ENOX1: variants seen among roughly 807,000 people sequenced by gnomAD.
The protein encoded by ENOX1 is ecto-NOX disulfide-thiol exchanger 1, also known as candidate growth-related and time keeping constitutive hydroquinone (NADH) oxidase.
A neutral mutation model predicts 82.5 loss-of-function variants in ENOX1; 42 were observed. That is an observed-to-expected ratio of 0.51 (90% CI 0.40 to 0.66). ENOX1 has a LOEUF of 0.66. Ranked by LOEUF, ENOX1 falls within the 30% of genes least tolerant of loss-of-function variation. The pLI is 0.00. For missense variants in ENOX1, 608 were observed against 811.6 expected, an observed-to-expected ratio of 0.75 and a Z score of 3.05; for synonymous variants, 271 against 282.2, an observed-to-expected ratio of 0.96 and a Z score of 0.40.
At chr13:43,404,210 T>A (rs1353555919) in intron 5 of ENOX1, among the ~76,000 whole-genome samples, 1 of 152,148 alleles carries the variant, frequency 6.6e-6, no homozygotes, top group Non-Finnish European at 1.5e-5. Context: ...ACTTCAGTAG[T>A]TTGCACTTCA....
At chr13:43,644,780 A>G (rs1286132845) in intron 2 of ENOX1, among the ~76,000 whole-genome samples, 1 of 152,230 alleles carries the variant, frequency 6.6e-6, no homozygotes, top group Non-Finnish European at 1.5e-5. Flanking sequence ...AGTTCAATCC[A>G]GATCCAGCTG....
At chr13:43,589,160 C>T (rs2081123525) in intron 2 of ENOX1, among the ~76,000 whole-genome samples, 2 of 142,580 alleles carry the variant, frequency 1.4e-5, no homozygotes, top group African/African-American at 5.2e-5. Flanking sequence ...GAAGTTGGGC[C>T]TTCCATGCAG....
At chr13:43,269,386 A>G (rs946114614) in intron 13 of ENOX1, 84 bp downstream of exon 13, 29 of 1,049,036 alleles carry the variant, frequency 2.8e-5, no homozygotes, top group Non-Finnish European at 3.8e-5. Context: ...CTTTCAGTAA[A>G]TGTTTGCACG....
chr13:43,328,729 C>T (rs1204151727), intron 9 of ENOX1, among the ~76,000 whole-genome samples: 2 of 152,164 alleles, frequency 1.3e-5, no homozygotes, highest in Admixed American at 6.5e-5. Flanking sequence ...CTAATATCTA[C>T]TCAAGCCATG....
intron 2 of ENOX1, among the ~76,000 whole-genome samples, chr13:43,638,147 T>C (rs2083482186): frequency 6.6e-6 from 1 of 152,210 alleles, no homozygotes; most frequent in Non-Finnish European, 1.5e-5. Context: ...CCCATCTTTC[T>C]GGATGGCCAA....
At chr13:43,717,550 T>C (rs1228875710) in intron 1 of ENOX1, among the ~76,000 whole-genome samples, 2 of 152,052 alleles carry the variant, frequency 1.3e-5, no homozygotes, top group Non-Finnish European at 2.9e-5. Context: ...TGGGACCTAA[T>C]TAAAACTAAA....
At chr13:43,697,531 A>T (rs540264812) in intron 1 of ENOX1, among the ~76,000 whole-genome samples, 3 of 152,344 alleles carry the variant, frequency 2.0e-5, no homozygotes, top group Admixed American at 1.3e-4. Context: ...AGGAAGTTTA[A>T]TCTAGAAAGT....
intron 2 of ENOX1, among the ~76,000 whole-genome samples, chr13:43,488,068 C>T (rs2076492068): frequency 6.6e-6 from 1 of 152,188 alleles, no homozygotes; most frequent in Non-Finnish European, 1.5e-5. Flanking sequence ...CAATATTGTA[C>T]TGAACAGAGG....
intron 3 of ENOX1, among the ~76,000 whole-genome samples, chr13:43,469,456 G>A (rs1307771989): frequency 6.6e-6 from 1 of 151,684 alleles, no homozygotes; most frequent in Non-Finnish European, 1.5e-5. Flanking sequence ...TTTGCTATCA[G>A]GGTAATATTA....
chr13:43,520,369 T>A (rs78537681), intron 2 of ENOX1, among the ~76,000 whole-genome samples: 4,357 of 152,258 alleles, frequency 0.029, 184 homozygotes, highest in African/African-American at 0.095. Flanking sequence ...ACACACGGTA[T>A]CTTGATGTTT....
chr13:43,569,912 C>G (rs2080100912), intron 2 of ENOX1, among the ~76,000 whole-genome samples: 1 of 152,192 alleles, frequency 6.6e-6, no homozygotes. Flanking sequence ...ATTCCCTTCT[C>G]TGGGTTAGCT....
At chr13:43,584,765 C>G (rs2080901272) in intron 2 of ENOX1, among the ~76,000 whole-genome samples, 1 of 152,178 alleles carries the variant, frequency 6.6e-6, no homozygotes, top group Non-Finnish European at 1.5e-5. Flanking sequence ...TGCTTGTAGG[C>G]TAATCTAGTA....
chr13:43,348,048 C>A (rs371572120), intron 8 of ENOX1, among the ~76,000 whole-genome samples: 17 of 152,288 alleles, frequency 1.1e-4, no homozygotes, highest in East Asian at 9.6e-4. Flanking sequence ...TTTGCCAGAG[C>A]CCTCTTTGTT....
intron 16 of ENOX1, among the ~76,000 whole-genome samples, chr13:43,220,080 A>T (rs982623704): frequency 6.6e-6 from 1 of 152,138 alleles, no homozygotes; most frequent in Non-Finnish European, 1.5e-5. Context: ...AAGGGAGGGG[A>T]GGAAGGAAGG....
At chr13:43,450,991 C>T (rs898338294) in intron 3 of ENOX1, among the ~76,000 whole-genome samples, 6 of 152,084 alleles carry the variant, frequency 3.9e-5, no homozygotes, top group Admixed American at 6.5e-5. Flanking sequence ...AGGGATCACC[C>T]GGGTATTTTG....
rs1183576639 is a variant in ENOX1, at chr13:43,361,316, G to C, written c.345C>G (p.Ile115Met). 1.2e-6 allele frequency: 2 copies of C among 1,613,926 alleles called. No homozygotes were observed. The highest frequency in any genetic ancestry group is 1.7e-6 in the Non-Finnish European group (2 of 1,179,906). ...GAAAAAGAGTACAGCTTTTGCAGTG[G>C]ATTATTTCTTTGACAACAGCCACTT... ...PTEVAVVKEIIHCKSCTLFPQ... is the reference protein window; with the variant it reads ...PTEVAVVKEIMHCKSCTLFPQ... Residue 115 changes from isoleucine to methionine, a missense_variant, in exon 6 of 17, where the codon ATC (isoleucine) becomes ATG (methionine). Physicochemically the swap from Ile to Met is conservative, Grantham distance 10. Transcript: ENST00000690772.
Position 43,326,471 on chromosome 13 carries a change from T to C in ENOX1, c.1091A>G (p.His364Arg), listed in dbSNP as rs1441450238. The C allele has an allele frequency of 6.2e-7, 1 of 1,614,154 alleles. No individual in the cohort carries two copies. Among genetic ancestry groups the C allele is most frequent in the South Asian group, 1.1e-5 (1 of 91,078 alleles). The change falls in exon 10 of 17, where the codon CAT becomes CGT. Residue 364 changes from histidine to arginine, a missense_variant. Coordinates refer to ENST00000690772, the MANE Select transcript of ENOX1 (RefSeq NM_001347969.2). The part of the protein sequence containing the change: ...NASTRQKAWD[H>R]FSKAQRKNID... ...GTTCTTGCGCTGGGCTTTCGAGAAA[T>C]GGTCCCAAGCTTTTTGTCTGGTAGA...
At chr13:43,312,509 G>A (rs1036313660) in intron 11 of ENOX1, among the ~76,000 whole-genome samples, 2 of 152,300 alleles carry the variant, frequency 1.3e-5, no homozygotes, top group East Asian at 3.9e-4. Context: ...GCATGTGCCT[G>A]AGGTTTGAGG....
chr13:43,497,529 G>C (rs2076835877), intron 2 of ENOX1, among the ~76,000 whole-genome samples: 1 of 152,038 alleles, frequency 6.6e-6, no homozygotes. Context: ...AATGTGGATT[G>C]ATTTTGAATA....
Sources: gnomAD v4.1 joint callset for allele counts (sites outside exome capture counted in the v4.1 genomes callset) on GRCh38, gnomAD v4.1.1 for gene constraint, MANE v1.5 for transcripts, NCBI Gene and HGNC (gene_info 2026-07-23, HGNC 2026-07-21) for gene names.